The following COL1A2 variants were observed in gnomAD, a reference collection of about 807,000 sequenced individuals.
The protein encoded by COL1A2 is collagen alpha-2(I) chain.
A neutral mutation model predicts 174.3 loss-of-function variants in COL1A2; 49 were observed. That is an observed-to-expected ratio of 0.28 (90% CI 0.22 to 0.36). COL1A2 has a LOEUF of 0.36. Among genes scored for constraint, COL1A2 ranks in the 10% least tolerant of loss-of-function variants. The pLI, the probability that COL1A2 is intolerant of heterozygous loss-of-function variation, is 1.00. For synonymous variants in COL1A2, 655 were observed against 606.6 expected (o/e 1.08, Z -1.17); for missense variants, 1,438 against 1,822.7 (o/e 0.79, Z 3.84).
rs760889533 is a variant in COL1A2, at chr7:94,395,017, G to A, written c.-15G>A. 1.2e-6 allele frequency: 2 copies of A among 1,613,002 alleles called. No homozygotes were observed. Among genetic ancestry groups the A allele is most frequent in the South Asian group, 2.2e-5 (2 of 91,016 alleles). On this transcript the variant is annotated 5_prime_UTR_variant, in exon 1 of 52. An upstream start codon of the reference 5' UTR is lost. Transcript: ENST00000297268. ...GCTCTGCGACACAAGGAGTCTGCATGTCTAAGTGCTAGACATGCTCAGCTT... is the reference window on the plus strand; with the variant it reads ...GCTCTGCGACACAAGGAGTCTGCATATCTAAGTGCTAGACATGCTCAGCTT...
intron 41 of COL1A2, chr7:94,424,794 C>G (rs1218275695): frequency 2.1e-6 from 1 of 466,944 alleles, no homozygotes; most frequent in Admixed American, 3.4e-5. Context: ...TCCATTAAAC[C>G]TTATACGTGA....
At chr7:94,426,701 T>A (rs1383577107) in intron 46 of COL1A2, 171 bp downstream of exon 46, 1 of 696,084 alleles carries the variant, frequency 1.4e-6, no homozygotes, top group Non-Finnish European at 2.6e-6. Flanking sequence ...CATACCAACA[T>A]GAAAGGTGAG....
chr7:94,413,065 T>G lies in COL1A2; in HGVS notation c.1504-18T>G. 3.1e-6 allele frequency: 5 copies of G among 1,613,664 alleles called. No homozygotes were observed. Among genetic ancestry groups the G allele is most frequent in the Non-Finnish European group, 3.4e-6 (4 of 1,179,588 alleles). ...TGTGCAAAGCTGTTCTTTGTTTTGT[T>G]TTTCATTTTTACTCTAGGGTGATCC... is the stretch of plus-strand genomic sequence containing the variant. On this transcript the variant is annotated intron_variant, in intron 25 of 51. Transcript: ENST00000297268.
Position 94,428,323 on chromosome 7 carries a change from G to A in COL1A2, c.3557G>A (p.Cys1186Tyr). 1 of 1,614,070 alleles carries A rather than the reference G, an allele frequency of 6.2e-7. No individual in the cohort carries two copies. Among genetic ancestry groups the A allele is most frequent in the East Asian group, 2.2e-5 (1 of 44,878 alleles). Reference protein sequence around the residue: ...GYYWIDPNQGCTMDAIKVYCD... With the variant: ...GYYWIDPNQGYTMDAIKVYCD... ...TACTGGATTGACCCTAACCAAGGAT[G>A]CACTATGGATGCTATCAAAGTATAC... is the stretch of plus-strand genomic sequence containing the variant. Residue 1186 changes from cysteine to tyrosine, a missense_variant, in exon 50 of 52, where the codon TGC becomes TAC. Physicochemically the swap from Cys to Tyr is radical, Grantham distance 194 (BLOSUM62 -2). Around this residue, in one of 3 missense-constraint regions of COL1A2, gnomAD observed 290 missense variants for 298.1 expected, o/e 0.97. Coordinates refer to ENST00000297268, the MANE Select transcript of COL1A2 (RefSeq NM_000089.4).
At chr7:94,399,928 T>C (rs935081616) in intron 4 of COL1A2, among the ~76,000 whole-genome samples, 1 of 152,214 alleles carries the variant, frequency 6.6e-6, no homozygotes, top group Non-Finnish European at 1.5e-5. Flanking sequence ...CTATAATTTT[T>C]ATATTTGAAT....
intron 1 of COL1A2, among the ~76,000 whole-genome samples, chr7:94,396,805 C>G (rs544669638): frequency 6.6e-6 from 1 of 152,214 alleles, no homozygotes; most frequent in East Asian, 1.9e-4. Context: ...GTGACTGTTG[C>G]AACAGATGTT....
rs1181182370 is a variant in COL1A2, at chr7:94,413,729, C to A, written c.1597C>A (p.Pro533Thr). The part of the protein sequence containing the change: ...GPDGNNGAQG[P>T]PGPQGVQGGK... ...TGATGGAAACAATGGTGCTCAGGGA[C>A]CTCCTGGACCACAGGTGAGTATTTC... The change falls in exon 27 of 52, where the codon CCT becomes ACT. Residue 533 changes from proline to threonine, a missense_variant. By Grantham distance (38) the Pro-to-Thr change is conservative. Transcript: ENST00000297268. 6.2e-7 allele frequency: 1 copy of A among 1,614,078 alleles called. No homozygotes were observed. Among genetic ancestry groups the A allele is most frequent in the Non-Finnish European group, 8.5e-7 (1 of 1,180,042 alleles).
At position 94,426,488 on chromosome 7, in the gene COL1A2, C is replaced by A; in HGVS notation, c.3063C>A (p.Gly1021=). The change falls in exon 46 of 52, where the codon GGC becomes GGA. Residue 1021 remains glycine (G), a synonymous_variant. Coordinates refer to ENST00000297268, the MANE Select transcript of COL1A2 (RefSeq NM_000089.4). ...PGEKGPRGLP[G]LKGHNGLQGL... is the part of the protein sequence containing the mutation. ...AAAAGGGGCCCAGAGGTCTTCCTGG[C>A]TTAAAGGGACACAATGGATTGCAAG... The A allele has an allele frequency of 6.2e-7, 1 of 1,607,174 alleles. No homozygotes were observed. The highest frequency in any genetic ancestry group is 8.5e-7 in the Non-Finnish European group (1 of 1,177,264).
rs141088934 is a variant in COL1A2, at chr7:94,424,330, A to G, written c.2566-6A>G. ...CCATAATACTCAGTATTTTTTCTCT[A>G]TTTAGGGACCTCCTGGCACTCCAGG... On this transcript the variant is annotated splice_polypyrimidine_tract_variant and splice_region_variant and intron_variant, in intron 40 of 51. Transcript: ENST00000297268. 4.0e-4 allele frequency: 648 copies of G among 1,613,224 alleles called. No individual in the cohort carries two copies. The highest frequency in any genetic ancestry group is 5.3e-4 in the Non-Finnish European group (622 of 1,179,284).
intron 29 of COL1A2, among the ~76,000 whole-genome samples, chr7:94,414,841 C>T (rs549628377): frequency 6.6e-6 from 1 of 152,136 alleles, no homozygotes; most frequent in African/African-American, 2.4e-5. Flanking sequence ...ATACAATTAA[C>T]TAGGCAATGT....
Position 94,408,521 on chromosome 7 carries a change from A to G in COL1A2, c.738+141A>G, listed in dbSNP as rs1791852682. The G allele has an allele frequency of 3.5e-6, 4 of 1,132,010 alleles. No individual in the cohort carries two copies. In the Admixed American group the frequency reaches 5.8e-5, roughly 16 times the overall value. 70.1% of individuals were successfully genotyped at this position (1,132,010 alleles called of 1,614,324 possible). A position where few individuals can be genotyped will look rare whatever the true frequency, so the allele number is the denominator to read the frequency against. On this transcript the variant is annotated intron_variant, in intron 15 of 51. Transcript: ENST00000297268. ...GAGGTCTTTTGAAGGCTCCATTTAT[A>G]AGTAGTGTAAGCCATTTATAAGTAC...
At chr7:94,425,434 T>C in intron 42 of COL1A2, 176 bp from the exon 43 acceptor site, 2 of 853,284 alleles carry the variant, frequency 2.3e-6, no homozygotes, top group Non-Finnish European at 3.8e-6. Flanking sequence ...GGCCCAAGTA[T>C]TTAAAACATC....
Position 94,416,572 on chromosome 7 carries a change from T to C in COL1A2, c.1863+69T>C. 3 of 1,137,308 alleles carry C rather than the reference T, an allele frequency of 2.6e-6. No individual in the cohort carries two copies. In the Admixed American group the frequency reaches 6.0e-5, roughly 23 times the overall value. The allele number at this position is 1,137,308 out of a possible 1,614,324, so 70.5% of individuals were successfully genotyped here. The stretch of plus-strand genomic sequence containing the variant: ...CCTGGAATAAGTAGACCCTTTACAA[T>C]AGAAAGATAATTGTTTTTCAGATTT... On this transcript the variant is annotated intron_variant, in intron 31 of 51. Coordinates refer to ENST00000297268, the MANE Select transcript of COL1A2 (RefSeq NM_000089.4).
rs1244019435 is a variant in COL1A2 at position 94,425,125 on chromosome 7, T to A, written c.2682T>A (p.Pro894=). ...CTTCTCTGCCTGTTTAGGGTGAACC[T>A]GGTCCTCTTGGCATTGCCGGCCCTC... is the stretch of plus-strand genomic sequence containing the variant. ...LPGVAGAVGE[P]GPLGIAGPPG... Residue 894 remains proline (P), a synonymous_variant, in exon 42 of 52, where the codon CCT becomes CCA. Coordinates refer to ENST00000297268, the MANE Select transcript of COL1A2 (RefSeq NM_000089.4). 1 of 1,614,078 alleles carries A rather than the reference T, an allele frequency of 6.2e-7. No homozygotes were observed.
At chr7:94,429,547 AC>A in intron 51 of COL1A2, 117 bp downstream of exon 51, 1 of 1,028,506 alleles carries the variant, frequency 9.7e-7, no homozygotes, top group Non-Finnish European at 1.4e-6. Flanking sequence ...GAATGAGAGA[AC>A]TAACTTATTT....
At chr7:94,424,880 C>A in intron 41 of COL1A2, 1 of 560,336 alleles carries the variant, frequency 1.8e-6, no homozygotes, top group Non-Finnish European at 3.2e-6. Context: ...TACTGAATGA[C>A]ACGAGGCTCA....
Position 94,401,551 on chromosome 7 carries a change from T to G in COL1A2, c.226-16T>G, listed in dbSNP as rs542458716. 1.5e-6 allele frequency: 2 copies of G among 1,291,746 alleles called. No homozygotes were observed. The highest frequency in any genetic ancestry group is 2.0e-6 in the Non-Finnish European group (2 of 999,206). The allele number at this position is 1,291,746 out of a possible 1,614,324, so 80.0% of individuals were successfully genotyped here. A position where few individuals can be genotyped will look rare whatever the true frequency, so the allele number is the denominator to read the frequency against. On this transcript the variant is annotated splice_polypyrimidine_tract_variant and intron_variant, in intron 5 of 51. Coordinates refer to ENST00000297268, the MANE Select transcript of COL1A2 (RefSeq NM_000089.4). ...ATTTTATATATATATATAATTTTTT[T>G]TTTTTACTTCTCTAGAACTTTGCTG...
At chr7:94,412,973 C>A in intron 25 of COL1A2, 110 bp from the exon 26 acceptor site, 1 of 1,084,276 alleles carries the variant, frequency 9.2e-7, no homozygotes, top group Non-Finnish European at 1.4e-6. Flanking sequence ...GACTAGGGAT[C>A]TCAAAAGAAC....
At position 94,425,129 on chromosome 7, in the gene COL1A2, C is replaced by T; in HGVS notation, c.2686C>T (p.Pro896Ser). The change falls in exon 42 of 52, where the codon CCT (proline) becomes TCT (serine). Residue 896 changes from proline to serine, a missense_variant. This residue lies in a region of COL1A2 where 867 missense variants were observed against 1,213.7 expected (regional missense o/e 0.71). Coordinates refer to ENST00000297268, the MANE Select transcript of COL1A2 (RefSeq NM_000089.4). ...GVAGAVGEPG[P>S]LGIAGPPGAR... is the part of the protein sequence containing the mutation. ...TCTGCCTGTTTAGGGTGAACCTGGT[C>T]CTCTTGGCATTGCCGGCCCTCCTGG... 6.2e-7 allele frequency: 1 copy of T among 1,614,044 alleles called. No individual in the cohort carries two copies. Among genetic ancestry groups the T allele is most frequent in the Non-Finnish European group, 8.5e-7 (1 of 1,179,968 alleles).
Sources: allele counts gnomAD v4.1 joint callset (sites outside exome capture counted in the v4.1 genomes callset), GRCh38; gene constraint gnomAD v4.1.1; regional missense constraint gnomAD v4.1.1; transcripts MANE v1.5; gene names NCBI Gene and HGNC (gene_info 2026-07-23, HGNC 2026-07-21).